Variants in PLA2G4E observed in about 807,000 individuals in gnomAD.
The protein encoded by PLA2G4E is phospholipase A2 group IVE.
Under a neutral mutation model 109.1 loss-of-function variants are expected in PLA2G4E, and 84 were observed. The ratio of observed to expected loss-of-function variants is 0.77; its 90% CI spans 0.65 to 0.92. PLA2G4E has a LOEUF of 0.92. Among genes scored for constraint, PLA2G4E ranks in the 40% least tolerant of loss-of-function variants. The pLI is 0.00. For missense variants in PLA2G4E, 1,057 were observed against 1,076.6 expected (o/e 0.98, Z 0.25); for synonymous variants, 469 against 436.1 (o/e 1.08, Z -0.94).
chr15:42,012,122 C>G (rs1052930623), intron 2 of PLA2G4E, among the ~76,000 whole-genome samples: 18 of 152,326 alleles, frequency 1.2e-4, no homozygotes, highest in Admixed American at 1.1e-3. Context: ...TGCTTGGTCC[C>G]TTTGCTGTCT....
chr15:41,990,744 CTTT>C (rs1228531708), intron 13 of PLA2G4E, among the ~76,000 whole-genome samples: 12 of 42,808 alleles, frequency 2.8e-4, no homozygotes, highest in African/African-American at 3.9e-4. Context: ...CTCTTCCCTT[CTTT>C]TTTTTTTTTT....
At position 42,004,825 on chromosome 15, in the gene PLA2G4E, A is replaced by T; in HGVS notation, c.566+113T>A. Reference sequence around the variant, plus strand: ...AGAGTCAGGGTTAGTGCCAGGAGTGAGACTGGAAGAGGGTGAGGCAGCAAA... The same window carrying T: ...AGAGTCAGGGTTAGTGCCAGGAGTGTGACTGGAAGAGGGTGAGGCAGCAAA... On this transcript the variant is annotated intron_variant, in intron 5 of 19. Coordinates refer to ENST00000399518, the Ensembl canonical transcript of PLA2G4E. The T allele has an allele frequency of 2.6e-6, 3 of 1,134,712 alleles. No individual in the cohort carries two copies. The East Asian group carries it at 7.6e-5, about 29-fold the overall frequency. 70.3% of individuals were successfully genotyped at this position (1,134,712 alleles called of 1,614,324 possible).
intron 1 of PLA2G4E, among the ~76,000 whole-genome samples, chr15:42,017,379 C>T (rs1403291446): frequency 2.0e-5 from 3 of 152,344 alleles, no homozygotes; most frequent in East Asian, 1.9e-4. Context: ...CATTTCTTCC[C>T]GCTCTAACTC....
At chr15:42,000,348 GC>G in intron 7 of PLA2G4E, 66 bp from the exon 8 acceptor site, 1 of 1,426,784 alleles carries the variant, frequency 7.0e-7, no homozygotes, top group Non-Finnish European at 9.4e-7. Context: ...ACTTGGTCCA[GC>G]AAAAAACCTA....
intron 17 of PLA2G4E, 136 bp downstream of exon 17, chr15:41,987,036 C>A (rs2068152378): frequency 1.1e-6 from 1 of 896,286 alleles, no homozygotes; most frequent in Non-Finnish European, 1.7e-6. Context: ...GTGGAAAACA[C>A]CATGGGGAGA....
intron 12 of PLA2G4E, 118 bp downstream of exon 12, chr15:41,995,242 C>T: frequency 7.4e-7 from 1 of 1,359,814 alleles, no homozygotes; most frequent in Non-Finnish European, 9.9e-7. Context: ...GGGGCACTTC[C>T]CAGGCTTCAG....
At chr15:42,040,501 A>G (rs991202672) in intron 1 of PLA2G4E, among the ~76,000 whole-genome samples, 9 of 152,228 alleles carry the variant, frequency 5.9e-5, no homozygotes, top group Non-Finnish European at 1.5e-5. Flanking sequence ...ATTGAGATGC[A>G]ATAAAGGAAA....
chr15:42,041,553 A>G (rs770894445), intron 1 of PLA2G4E, among the ~76,000 whole-genome samples: 5 of 152,304 alleles, frequency 3.3e-5, no homozygotes, highest in Middle Eastern at 6.8e-3. Flanking sequence ...TGCAGTGTAT[A>G]TGATGAACTA....
chr15:42,044,052 A>G (rs1668596), intron 1 of PLA2G4E, among the ~76,000 whole-genome samples: 110,615 of 152,102 alleles, frequency 0.73, 40,927 homozygotes, highest in Non-Finnish European at 0.79. Context: ...CACTGATGAC[A>G]GAGACATTTG....
At position 41,983,654 on chromosome 15, in the gene PLA2G4E, C is replaced by T. The variant is rs114003887; in HGVS notation, c.*100G>A. 2,338 of 1,108,538 alleles carry T rather than the reference C, an allele frequency of 2.1e-3. 35 individuals are homozygous for T. The African/African-American group carries it at 0.033, about 16-fold the overall frequency. The allele number at this position is 1,108,538 out of a possible 1,614,324, so 68.7% of individuals were successfully genotyped here. A position where few individuals can be genotyped will look rare whatever the true frequency, so the allele number is the denominator to read the frequency against. ...AGGCCAACCTGCTCACACCCATTGC[C>T]GGAGAGCAGAGCTGGCTGCGTAGTA... is the stretch of plus-strand genomic sequence containing the variant. On this transcript the variant is annotated 3_prime_UTR_variant, in exon 20 of 20. Coordinates refer to ENST00000399518, the Ensembl canonical transcript of PLA2G4E.
chr15:41,985,783 G>A, intron 18 of PLA2G4E, 56 bp downstream of exon 18: 1 of 1,549,484 alleles, frequency 6.5e-7, no homozygotes. Flanking sequence ...ACTGACTGCG[G>A]GGCCCATCTT....
intron 1 of PLA2G4E, among the ~76,000 whole-genome samples, chr15:42,028,263 GGTAA>G (rs1273665078): frequency 6.6e-6 from 1 of 152,166 alleles, no homozygotes; most frequent in Non-Finnish European, 1.5e-5. Flanking sequence ...AGGTCACGAT[GGTAA>G]GTGACAGAGC....
chr15:42,019,494 TG>T (rs978758466), intron 1 of PLA2G4E, among the ~76,000 whole-genome samples: 10 of 152,128 alleles, frequency 6.6e-5, no homozygotes, highest in Admixed American at 4.6e-4. Context: ...AGATGGCACC[TG>T]GGGAGCCTGC....
At chr15:42,037,933 C>A (rs11633503) in intron 1 of PLA2G4E, among the ~76,000 whole-genome samples, 1 of 152,176 alleles carries the variant, frequency 6.6e-6, no homozygotes, top group Non-Finnish European at 1.5e-5. Context: ...GGGATCCAGG[C>A]TGGTAGTGTG....
intron 2 of PLA2G4E, among the ~76,000 whole-genome samples, chr15:42,008,104 C>T (rs9920197): frequency 0.034 from 5,197 of 152,332 alleles, 136 homozygotes; most frequent in Middle Eastern, 0.058. Flanking sequence ...AGATGGCCTC[C>T]GGCTCTTATT....
intron 1 of PLA2G4E, among the ~76,000 whole-genome samples, chr15:42,027,339 C>G (rs2665205): frequency 1.3e-5 from 2 of 152,000 alleles, no homozygotes; most frequent in East Asian, 1.9e-4. Flanking sequence ...TATAGGGAAA[C>G]AGCAATCAAT....
intron 1 of PLA2G4E, among the ~76,000 whole-genome samples, chr15:42,047,979 C>G (rs1425885409): frequency 2.0e-5 from 3 of 152,206 alleles, no homozygotes; most frequent in Non-Finnish European, 2.9e-5. Flanking sequence ...GGCTAACCCC[C>G]CTCCCGGGCA....
intron 12 of PLA2G4E, among the ~76,000 whole-genome samples, chr15:41,993,763 G>A (rs771723040): frequency 5.0e-4 from 76 of 152,192 alleles, no homozygotes; most frequent in Non-Finnish European, 8.1e-4. Flanking sequence ...CTCCCTCACA[G>A]GACTTGCTTT....
chr15:42,045,777 T>A (rs889724654), intron 1 of PLA2G4E, among the ~76,000 whole-genome samples: 3 of 152,208 alleles, frequency 2.0e-5, no homozygotes, highest in African/African-American at 7.2e-5. Context: ...TCCAGCTCCA[T>A]GGCTTAAAAA....
Sources: gnomAD v4.1 joint callset for allele counts (sites outside exome capture counted in the v4.1 genomes callset) on GRCh38, gnomAD v4.1.1 for gene constraint, MANE v1.5 for transcripts, NCBI Gene and HGNC (gene_info 2026-07-23, HGNC 2026-07-21) for gene names.